Variants in ARHGAP22 observed in about 807,000 individuals in gnomAD.
ARHGAP22 encodes Rho GTPase activating protein 22.
In ARHGAP22, 48 loss-of-function variants were observed where a neutral mutation model predicts 59.1. The ratio of observed to expected loss-of-function variants is 0.81; its 90% confidence interval spans 0.64 to 1.03. ARHGAP22 has a LOEUF of 1.03. ARHGAP22 is among the 50% of genes least tolerant of loss of function. ARHGAP22 has a pLI of 0.00. For synonymous variants in ARHGAP22, 445 were observed against 416.4 expected (o/e 1.07, Z -0.84); for missense variants, 1,015 against 958.7 (o/e 1.06, Z -0.78).
rs573890765 is a variant in ARHGAP22 at position 48,474,823 on chromosome 10, C to T, written c.451+4813G>A. ...GACGATAAATCTCATTTCATCATGGCGTATAATTCTTTGGATTCAGCATGT... is the reference window on the plus strand; with the variant it reads ...GACGATAAATCTCATTTCATCATGGTGTATAATTCTTTGGATTCAGCATGT... On this transcript the variant is annotated intron_variant, in intron 4 of 9. Transcript: ENST00000249601. Among the ~76,000 whole-genome samples, 18 of 152,134 alleles carry T rather than the reference C, an allele frequency of 1.2e-4. 1 individual carries two copies. The South Asian group carries it at 1.3e-3, about 11-fold the overall frequency.
chr10:48,451,405 C>G, intron 8 of ARHGAP22: 1 of 706,498 alleles, frequency 1.4e-6, no homozygotes, highest in South Asian at 1.5e-5. Context: ...CGCTCACGCC[C>G]TCCAGCTGGG....
upstream of ARHGAP22, among the ~76,000 whole-genome samples, chr10:48,608,480 C>T (rs146600582): frequency 1.6e-3 from 242 of 152,292 alleles, 1 homozygote; most frequent in African/African-American, 5.7e-3. Flanking sequence ...TCCCCTGTTC[C>T]AGAAGCTGCA....
intron 3 of ARHGAP22, among the ~76,000 whole-genome samples, chr10:48,526,133 G>A (rs1403593883): frequency 6.6e-6 from 1 of 152,008 alleles, no homozygotes; most frequent in Non-Finnish European, 1.5e-5. Context: ...TTCCATTTGG[G>A]GAGAACAGAG....
At chr10:48,442,530 A>G (rs1589370582), downstream of ARHGAP22, among the ~76,000 whole-genome samples, 1 of 152,198 alleles carries the variant, frequency 6.6e-6, no homozygotes, top group Admixed American at 6.5e-5. Flanking sequence ...AAGATATTCT[A>G]GAACCTGAAG....
rs553835954 is a variant in ARHGAP22 at position 48,539,290 on chromosome 10, C to CTTTTTTTTTTTT, written c.322+16172_322+16173insAAAAAAAAAAAA. 1.0e-4 allele frequency among the ~76,000 whole-genome samples: 13 copies of CTTTTTTTTTTTT among 129,324 alleles called. 1 individual carries two copies. Among genetic ancestry groups the CTTTTTTTTTTTT allele is most frequent in the East Asian group, 6.2e-4 (2 of 3,212 alleles). 84.8% of individuals were successfully genotyped at this position (129,324 alleles called of 152,430 possible). A position where few individuals can be genotyped will look rare whatever the true frequency, so the allele number is the denominator to read the frequency against. ...CTAACAATTAGTATGAGAAGGGTAA[C>CTTTTTTTTTTTT]ATTTTTTTTTTTTTTTTTTGAGACG... On this transcript the variant is annotated intron_variant, in intron 3 of 9. Coordinates refer to ENST00000249601, the MANE Select transcript of ARHGAP22 (RefSeq NM_021226.4).
intron 3 of ARHGAP22, among the ~76,000 whole-genome samples, chr10:48,548,050 T>C (rs551116331): frequency 6.6e-6 from 1 of 152,266 alleles, no homozygotes; most frequent in African/African-American, 2.4e-5. Flanking sequence ...ACCACCCCAG[T>C]GTAGTCAGGG....
At chr10:48,472,935 A>G (rs1277456391) in intron 4 of ARHGAP22, among the ~76,000 whole-genome samples, 2 of 152,230 alleles carry the variant, frequency 1.3e-5, no homozygotes, top group Non-Finnish European at 2.9e-5. Context: ...AATGGTCTGG[A>G]GGCTCCTCAA....
intron 3 of ARHGAP22, among the ~76,000 whole-genome samples, chr10:48,486,261 T>A (rs1445156): frequency 0.95 from 143,744 of 151,994 alleles, 68,519 homozygotes; most frequent in East Asian, 1. Flanking sequence ...TTTTGCAATG[T>A]TTATCTTACC....
At chr10:48,620,219 G>T (rs2061235796) in intron 1 of ARHGAP22, among the ~76,000 whole-genome samples, 1 of 151,680 alleles carries the variant, frequency 6.6e-6, no homozygotes, top group South Asian at 2.1e-4. Context: ...GTTGATTCTT[G>T]CTCATCCTGA....
chr10:48,461,985 G>C (rs1234590032), intron 4 of ARHGAP22, among the ~76,000 whole-genome samples: 1 of 152,186 alleles, frequency 6.6e-6, no homozygotes, highest in Admixed American at 6.5e-5. Context: ...CACAGTAAAT[G>C]CTCCTCCTCA....
At chr10:48,509,601 G>A (rs2052539810) in intron 3 of ARHGAP22, among the ~76,000 whole-genome samples, 1 of 152,200 alleles carries the variant, frequency 6.6e-6, no homozygotes, top group Admixed American at 6.5e-5. Context: ...CAGGATGCTG[G>A]GTGACCCTGG....
At chr10:48,656,265 T>TGGGGGGGGGGGGG, upstream of ARHGAP22, 1 of 101,644 alleles carries the variant, frequency 9.8e-6, no homozygotes, top group Non-Finnish European at 1.9e-5. Flanking sequence ...TCGGCGCCTC[T>TGGGGGGGGGGGGG]GGGGGGGGGG....
chr10:48,536,872 A>G (rs1199861319), intron 3 of ARHGAP22, among the ~76,000 whole-genome samples: 1 of 152,054 alleles, frequency 6.6e-6, no homozygotes, highest in Non-Finnish European at 1.5e-5. Context: ...CTTTCAGAAA[A>G]CCTGGGCTCT....
chr10:48,472,173 A>G (rs930806622), intron 4 of ARHGAP22, among the ~76,000 whole-genome samples: 12 of 150,648 alleles, frequency 8.0e-5, no homozygotes. Flanking sequence ...GCATCACTGC[A>G]CTCTAGCCTG....
At chr10:48,619,440 A>G (rs116597203) in intron 1 of ARHGAP22, among the ~76,000 whole-genome samples, 277 of 152,282 alleles carry the variant, frequency 1.8e-3, no homozygotes, top group African/African-American at 6.4e-3. Flanking sequence ...GAACTTAAAA[A>G]TAAACTCAAA....
chr10:48,459,791 C>G lies in ARHGAP22; in HGVS notation c.552G>C (p.Arg184=). 6.2e-7 allele frequency: 1 copy of G among 1,613,930 alleles called. No individual in the cohort carries two copies. The highest frequency in any genetic ancestry group is 8.5e-7 in the Non-Finnish European group (1 of 1,180,040). The change falls in exon 5 of 10, where the codon CGG becomes CGC. Residue 184 remains arginine, a synonymous_variant. Transcript: ENST00000249601. ...GCCCCTCCTCAGTGAGCCCGCGCTC[C>G]CGGATGAAGTCCACACACTGCTCCA... ...LLVEQCVDFI[R]ERGLTEEGLF...
intron 1 of ARHGAP22, among the ~76,000 whole-genome samples, chr10:48,586,025 G>A (rs910988409): frequency 1.3e-5 from 2 of 151,992 alleles, no homozygotes; most frequent in Non-Finnish European, 2.9e-5. Flanking sequence ...CAGAATGATC[G>A]GCACTTTTTT....
intron 3 of ARHGAP22, among the ~76,000 whole-genome samples, chr10:48,507,065 A>C (rs11101349): frequency 0.21 from 31,596 of 152,138 alleles, 5,383 homozygotes; most frequent in East Asian, 0.59. Flanking sequence ...AAAACACGCT[A>C]AAAAATGACC....
intron 3 of ARHGAP22, among the ~76,000 whole-genome samples, chr10:48,547,063 G>A (rs1202528823): frequency 1.3e-5 from 2 of 152,300 alleles, no homozygotes; most frequent in African/African-American, 4.8e-5. Flanking sequence ...AGAGATGGGT[G>A]GTCTGGAACA....
Sources: allele counts gnomAD v4.1 joint callset (sites outside exome capture counted in the v4.1 genomes callset), GRCh38; gene constraint gnomAD v4.1.1; transcripts MANE v1.5; gene names NCBI Gene and HGNC (gene_info 2026-07-23, HGNC 2026-07-21).